Variants in TSPAN5 observed in about 807,000 individuals in gnomAD.
TSPAN5 encodes tetraspanin 5, also known as tetraspanin-5.
A neutral mutation model predicts 37.1 loss-of-function variants in TSPAN5; 10 were observed. The ratio of observed to expected loss-of-function variants is 0.27; its 90% confidence interval spans 0.17 to 0.46. The LOEUF (loss-of-function observed/expected upper bound fraction) is 0.46, where lower values mean the gene tolerates loss of function less well. Ranked by LOEUF, TSPAN5 falls within the 20% of genes least tolerant of loss-of-function variation. The pLI is 1.00. For synonymous variants in TSPAN5, 110 were observed against 118.9 expected (o/e 0.93, Z 0.48); for missense variants, 195 against 326.6 (o/e 0.60, Z 3.11).
chr4:98,540,811 C>T (rs1171652056), intron 1 of TSPAN5, among the ~76,000 whole-genome samples: 1 of 152,166 alleles, frequency 6.6e-6, no homozygotes, highest in Non-Finnish European at 1.5e-5. Flanking sequence ...TCTGTGTCTT[C>T]TTATAACCTC....
chr4:98,581,328 A>G (rs750777580), intron 1 of TSPAN5, among the ~76,000 whole-genome samples: 42 of 152,196 alleles, frequency 2.8e-4, no homozygotes, highest in Non-Finnish European at 5.4e-4. Flanking sequence ...GATCCACCTC[A>G]GAACTCCCTC....
At chr4:98,633,827 A>T (rs1756797718) in intron 1 of TSPAN5, among the ~76,000 whole-genome samples, 1 of 152,156 alleles carries the variant, frequency 6.6e-6, no homozygotes, top group South Asian at 2.1e-4. Context: ...CGCCTGTAAT[A>T]CCAGCAGTTT....
At chr4:98,544,093 T>C (rs1248744658) in intron 1 of TSPAN5, among the ~76,000 whole-genome samples, 3 of 152,100 alleles carry the variant, frequency 2.0e-5, no homozygotes, top group African/African-American at 4.8e-5. Context: ...GGCAGAAGGA[T>C]TCCTTAAGCC....
intron 1 of TSPAN5, among the ~76,000 whole-genome samples, chr4:98,550,744 C>G (rs1754597559): frequency 6.6e-6 from 1 of 151,988 alleles, no homozygotes; most frequent in Non-Finnish European, 1.5e-5. Context: ...TGAAACCTTA[C>G]TGAATTGATT....
chr4:98,573,810 A>T (rs1755176655), intron 1 of TSPAN5, among the ~76,000 whole-genome samples: 1 of 152,232 alleles, frequency 6.6e-6, no homozygotes. Flanking sequence ...ATTATCCCAA[A>T]AATGTACATA....
chr4:98,618,383 T>C (rs946292138), intron 1 of TSPAN5, among the ~76,000 whole-genome samples: 1 of 152,110 alleles, frequency 6.6e-6, no homozygotes, highest in Non-Finnish European at 1.5e-5. Flanking sequence ...AAAACCAGAA[T>C]AAAATCAAGC....
intron 2 of TSPAN5, among the ~76,000 whole-genome samples, chr4:98,488,286 T>G (rs1231129640): frequency 2.0e-5 from 3 of 152,148 alleles, no homozygotes; most frequent in African/African-American, 4.8e-5. Context: ...GAGTTTTAAG[T>G]TTTAATCCAT....
chr4:98,506,840 C>T (rs1346558530), intron 2 of TSPAN5, among the ~76,000 whole-genome samples: 2 of 151,866 alleles, frequency 1.3e-5, no homozygotes, highest in African/African-American at 2.4e-5. Context: ...AGATGAAATG[C>T]TGCAGGTGAT....
At chr4:98,542,434 G>A (rs1754378847) in intron 1 of TSPAN5, among the ~76,000 whole-genome samples, 1 of 151,426 alleles carries the variant, frequency 6.6e-6, no homozygotes, top group East Asian at 2.0e-4. Context: ...CATGAAGGCA[G>A]GCTGGGCATA....
At chr4:98,543,336 T>G (rs1193611973) in intron 1 of TSPAN5, among the ~76,000 whole-genome samples, 2 of 152,094 alleles carry the variant, frequency 1.3e-5, no homozygotes, top group Non-Finnish European at 2.9e-5. Context: ...GTAAATCATA[T>G]CTGCACTTTG....
At chr4:98,570,239 C>A (rs193129736) in intron 1 of TSPAN5, among the ~76,000 whole-genome samples, 24 of 152,200 alleles carry the variant, frequency 1.6e-4, no homozygotes, top group Non-Finnish European at 3.2e-4. Context: ...AAACAAATAG[C>A]AAGAGGACTG....
intron 1 of TSPAN5, among the ~76,000 whole-genome samples, chr4:98,580,607 A>G (rs1755345578): frequency 6.6e-6 from 1 of 152,240 alleles, no homozygotes; most frequent in Non-Finnish European, 1.5e-5. Context: ...TTGAAGTCCA[A>G]GATGAGGAAC....
intron 7 of TSPAN5, 76 bp downstream of exon 7, chr4:98,476,113 G>T: frequency 8.7e-7 from 1 of 1,149,026 alleles, no homozygotes; most frequent in East Asian, 2.3e-5. Flanking sequence ...AGGTTTTTAA[G>T]CAAAGCTCCG....
intron 1 of TSPAN5, among the ~76,000 whole-genome samples, chr4:98,580,394 T>C (rs183594854): frequency 2.3e-4 from 35 of 152,326 alleles, no homozygotes; most frequent in African/African-American, 6.7e-4. Context: ...TGACCTTTTT[T>C]ACTCTTATAC....
At chr4:98,508,210 A>G (rs374429094) in intron 1 of TSPAN5, among the ~76,000 whole-genome samples, 4 of 152,190 alleles carry the variant, frequency 2.6e-5, no homozygotes, top group Admixed American at 2.0e-4. Context: ...TGCCTTCCAA[A>G]GGTAACAAGA....
intron 1 of TSPAN5, among the ~76,000 whole-genome samples, chr4:98,600,521 T>G (rs1755860440): frequency 6.6e-6 from 1 of 152,184 alleles, no homozygotes; most frequent in Non-Finnish European, 1.5e-5. Context: ...TCACCAGGAG[T>G]AGACTTCATC....
At chr4:98,555,355 CT>C (rs1754717493) in intron 1 of TSPAN5, among the ~76,000 whole-genome samples, 1 of 152,158 alleles carries the variant, frequency 6.6e-6, no homozygotes, top group African/African-American at 2.4e-5. Flanking sequence ...AATTGCATCT[CT>C]TTCTTCTCTC....
chr4:98,492,596 C>T (rs924795417), intron 2 of TSPAN5, among the ~76,000 whole-genome samples: 2 of 152,100 alleles, frequency 1.3e-5, no homozygotes, highest in Non-Finnish European at 2.9e-5. Flanking sequence ...GACACACGCA[C>T]GTGGTCGAAG....
At chr4:98,567,474 C>G (rs1487948847) in intron 1 of TSPAN5, among the ~76,000 whole-genome samples, 1 of 152,170 alleles carries the variant, frequency 6.6e-6, no homozygotes, top group Non-Finnish European at 1.5e-5. Flanking sequence ...GCACATCTAA[C>G]CATTTACAAA....
Sources: allele counts gnomAD v4.1 joint callset (sites outside exome capture counted in the v4.1 genomes callset), GRCh38; gene constraint gnomAD v4.1.1; transcripts MANE v1.5; gene names NCBI Gene and HGNC (gene_info 2026-07-23, HGNC 2026-07-21).